The following RIN3 variants were observed in gnomAD, a reference collection of about 807,000 sequenced individuals.
The protein encoded by RIN3 is RAB5 interacting protein 3.
In RIN3, 54 loss-of-function variants were observed where a neutral mutation model predicts 76.3. That is an observed-to-expected ratio of 0.71 (90% CI 0.57 to 0.89). The LOEUF (loss-of-function observed/expected upper bound fraction) is 0.89. Among genes scored for constraint, RIN3 ranks in the 40% least tolerant of loss-of-function variants. The pLI is 0.00. For synonymous variants in RIN3, 576 were observed against 564.0 expected (o/e 1.02, Z -0.30); for missense variants, 1,256 against 1,322.1 (o/e 0.95, Z 0.78).
At position 92,652,220 on chromosome 14, in the gene RIN3, G is replaced by T; in HGVS notation, c.1171G>T (p.Val391Phe). 1.9e-6 allele frequency: 3 copies of T among 1,608,162 alleles called. No homozygotes were observed. Among genetic ancestry groups the T allele is most frequent in the Non-Finnish European group, 2.6e-6 (3 of 1,176,322 alleles). Residue 391 changes from valine (V) to phenylalanine (F), a missense_variant, in exon 6 of 10, where the codon GTT (valine) becomes TTT (phenylalanine). By Grantham distance (50) the Val-to-Phe change is conservative. Coordinates refer to ENST00000216487, the MANE Select transcript of RIN3 (RefSeq NM_024832.5). The surrounding 1 kb of genome is among the most constrained non-coding windows in gnomAD (Gnocchi z 6.4). Reference sequence around the variant, plus strand: ...TCCCACTGCCCCTCCCAGACGCCGCGTTTCCGAGAGGGTGTCCTTAGAAGA... The same window carrying T: ...TCCCACTGCCCCTCCCAGACGCCGCTTTTCCGAGAGGGTGTCCTTAGAAGA... ...NLPTAPPRRR[V>F]SERVSLEDQS...
At position 92,529,078 on chromosome 14, in the gene RIN3, G is replaced by A. The variant is rs144565001; in HGVS notation, c.44+15102G>A. Reference sequence around the variant, plus strand: ...TACAGCAGCCCCCAGAATCCAGGCCGGCTGGTGGAGACCCCCCTGCTCTGA... The same window carrying A: ...TACAGCAGCCCCCAGAATCCAGGCCAGCTGGTGGAGACCCCCCTGCTCTGA... On this transcript the variant is annotated intron_variant, in intron 1 of 9. Coordinates refer to ENST00000216487, the MANE Select transcript of RIN3 (RefSeq NM_024832.5). Among the ~76,000 whole-genome samples, 187 of 152,148 alleles carry A rather than the reference G, an allele frequency of 1.2e-3. 4 individuals are homozygous for A. Among genetic ancestry groups the A allele is most frequent in the Admixed American group, 6.3e-3 (97 of 15,278 alleles).
chr14:92,580,152 G>A (rs1431125892), intron 3 of RIN3, among the ~76,000 whole-genome samples: 4 of 152,202 alleles, frequency 2.6e-5, no homozygotes, highest in East Asian at 3.8e-4. Flanking sequence ...CGAGGCAGGC[G>A]GATCACGAAG....
Position 92,527,682 on chromosome 14 carries a change from C to T in RIN3, c.44+13706C>T, listed in dbSNP as rs554926064. Among the ~76,000 whole-genome samples, 27 of 152,244 alleles carry T rather than the reference C, an allele frequency of 1.8e-4. No individual in the cohort carries two copies. In the South Asian group the frequency reaches 2.1e-3, roughly 12 times the overall value. ...CTTTTGTAGTCAGGACCTCTTCCTC[C>T]GCAGACCCCCGCGTTTCTGCTTCGT... On this transcript the variant is annotated intron_variant, in intron 1 of 9. Coordinates refer to ENST00000216487, the MANE Select transcript of RIN3 (RefSeq NM_024832.5).
chr14:92,669,100 G>A (rs1032900306), intron 7 of RIN3, among the ~76,000 whole-genome samples: 1 of 152,196 alleles, frequency 6.6e-6, no homozygotes, highest in Non-Finnish European at 1.5e-5. Flanking sequence ...CTTGCAGTGT[G>A]ATAACTGATA....
intron 3 of RIN3, among the ~76,000 whole-genome samples, chr14:92,585,764 ACAC>A (rs545062882): frequency 6.6e-6 from 1 of 152,092 alleles, no homozygotes; most frequent in South Asian, 2.1e-4. Flanking sequence ...GACTACAGGT[ACAC>A]GCCGCTGTGC....
rs559058602 is a variant in RIN3 at position 92,648,441 on chromosome 14, C to T, written c.533-3141C>T. On this transcript the variant is annotated intron_variant, in intron 5 of 9. Coordinates refer to ENST00000216487, the MANE Select transcript of RIN3 (RefSeq NM_024832.5). The surrounding 1 kb of genome is among the most constrained non-coding windows in gnomAD (Gnocchi z 4.1). ...CAGGCTGCCCGGCTGGTGGCCCATC[C>T]GTTTACGGGGCTCCTGTGCCCTCCT... is the stretch of plus-strand genomic sequence containing the variant. Among the ~76,000 whole-genome samples the T allele has an allele frequency of 4.6e-5, 7 of 152,316 alleles. No individual in the cohort carries two copies. The highest frequency in any genetic ancestry group is 2.1e-4 in the South Asian group (1 of 4,814).
intron 4 of RIN3, among the ~76,000 whole-genome samples, chr14:92,633,496 C>T (rs1348280090): frequency 1.3e-5 from 2 of 152,184 alleles, no homozygotes; most frequent in Non-Finnish European, 2.9e-5. Context: ...GGAGAAATCT[C>T]GTCACTGTGC....
chr14:92,543,618 CTTTTTT>C (rs3033757), intron 1 of RIN3, among the ~76,000 whole-genome samples: 892 of 84,890 alleles, frequency 0.011, 12 homozygotes, highest in African/African-American at 0.039. Context: ...AAGGCTTTTG[CTTTTTT>C]TTTTTTTTTT....
intron 5 of RIN3, among the ~76,000 whole-genome samples, chr14:92,641,928 G>A (rs1427297242): frequency 6.6e-6 from 1 of 152,178 alleles, no homozygotes; most frequent in South Asian, 2.1e-4. Context: ...ATGTATGGGC[G>A]ATGCCAAGTG....
At chr14:92,533,483 T>G (rs1023862766) in intron 1 of RIN3, among the ~76,000 whole-genome samples, 2 of 152,168 alleles carry the variant, frequency 1.3e-5, no homozygotes, top group Non-Finnish European at 2.9e-5. Context: ...AGTCAATAAG[T>G]AGATAAAGAA....
rs143050037 is a variant in RIN3 at position 92,604,755 on chromosome 14, A to G, written c.368-10652A>G. ...TCTCGCCCTACCAACCAAATGTTCA[A>G]TCATCAAAAGAGAATGAGCTGATTA... On this transcript the variant is annotated intron_variant, in intron 3 of 9. Transcript: ENST00000216487. Among the ~76,000 whole-genome samples, 50 of 152,048 alleles carry G rather than the reference A, an allele frequency of 3.3e-4. 1 individual carries two copies. In the East Asian group the frequency reaches 9.1e-3, roughly 28 times the overall value.
intron 1 of RIN3, among the ~76,000 whole-genome samples, chr14:92,522,177 C>T (rs1321907917): frequency 6.6e-6 from 1 of 152,076 alleles, no homozygotes; most frequent in Admixed American, 6.5e-5. Flanking sequence ...ACAGAACCTG[C>T]CAGAGCACCT....
intron 1 of RIN3, among the ~76,000 whole-genome samples, chr14:92,518,254 A>G (rs1896498763): frequency 6.6e-6 from 1 of 152,250 alleles, no homozygotes; most frequent in African/African-American, 2.4e-5. Context: ...ACTTCCAAAG[A>G]AAGGGGTCAG....
At chr14:92,537,731 G>GC (rs1216752417) in intron 1 of RIN3, among the ~76,000 whole-genome samples, 12 of 139,402 alleles carry the variant, frequency 8.6e-5, no homozygotes, top group East Asian at 4.4e-4. Context: ...TGCAGCCTCT[G>GC]CCCCCCCGCC....
intron 1 of RIN3, among the ~76,000 whole-genome samples, chr14:92,545,405 C>T (rs1422166516): frequency 3.3e-5 from 5 of 151,976 alleles, no homozygotes; most frequent in East Asian, 1.9e-4. Flanking sequence ...CCACCGCGCC[C>T]GGCCTAACTT....
intron 4 of RIN3, among the ~76,000 whole-genome samples, chr14:92,634,872 A>AT (rs1886719516): frequency 6.6e-6 from 1 of 150,806 alleles, no homozygotes; most frequent in Non-Finnish European, 1.5e-5. Context: ...AAAAAAAAAA[A>AT]GGTGGATTCT....
At chr14:92,641,002 C>T (rs975969771) in intron 4 of RIN3, among the ~76,000 whole-genome samples, 4 of 152,160 alleles carry the variant, frequency 2.6e-5, no homozygotes, top group African/African-American at 7.2e-5. Context: ...GCAGTGACCC[C>T]GCCCCGCCAC....
rs117799947 is a variant in RIN3 at position 92,568,924 on chromosome 14, G to A, written c.250-8436G>A. Among the ~76,000 whole-genome samples the A allele has an allele frequency of 3.4e-3, 524 of 152,336 alleles. 12 individuals carry two copies. Among genetic ancestry groups the A allele is most frequent in the Admixed American group, 0.019 (290 of 15,306 alleles). ...CACAGCCCAACAGCGAGAGGGGAGC[G>A]AGATGCTTCACCATGTGGTGGGGAT... On this transcript the variant is annotated intron_variant, in intron 2 of 9. Transcript: ENST00000216487. The surrounding 1 kb of genome is among the most constrained non-coding windows in gnomAD (Gnocchi z 4.2).
chr14:92,633,960 A>G (rs1886682060), intron 4 of RIN3, among the ~76,000 whole-genome samples: 1 of 152,056 alleles, frequency 6.6e-6, no homozygotes, highest in African/African-American at 2.4e-5. Context: ...TTTGGAAAGC[A>G]CCAGCTAAAA....
Sources: gnomAD v4.1 joint callset for allele counts (sites outside exome capture counted in the v4.1 genomes callset) on GRCh38, gnomAD v4.1.1 for gene constraint, Gnocchi (gnomAD v3.1) non-coding constraint, MANE v1.5 for transcripts, NCBI Gene and HGNC (gene_info 2026-07-23, HGNC 2026-07-21) for gene names.